The following UBA6 variants were observed in gnomAD, a reference collection of about 807,000 sequenced individuals.
The protein encoded by UBA6 is ubiquitin like modifier activating enzyme 6, also known as ubiquitin-like modifier-activating enzyme 6.
In UBA6, 87 loss-of-function variants were observed where a neutral mutation model predicts 148.3. The ratio of observed to expected loss-of-function variants is 0.59; its 90% CI spans 0.49 to 0.70. UBA6 has a LOEUF of 0.70. Ranked by LOEUF, UBA6 falls within the 30% of genes least tolerant of loss-of-function variation. UBA6 has a pLI of 0.00. For synonymous variants in UBA6, 376 were observed against 401.0 expected (o/e 0.94, Z 0.75); for missense variants, 1,186 against 1,241.2 (o/e 0.96, Z 0.67).
intron 2 of UBA6, among the ~76,000 whole-genome samples, chr4:67,683,572 A>ATTT (rs59333307): frequency 6.9e-6 from 1 of 145,046 alleles, no homozygotes; most frequent in Non-Finnish European, 1.5e-5. Context: ...TTTTTTTGCA[A>ATTT]TTTTTTTTTT....
chr4:67,641,016 T>C, intron 18 of UBA6, 135 bp downstream of exon 18: 1 of 644,556 alleles, frequency 1.6e-6, no homozygotes, highest in East Asian at 3.0e-5. Context: ...TTCCCTTTTG[T>C]CATTTCCATT....
chr4:67,644,704 T>C lies in UBA6; in HGVS notation c.1470A>G (p.Lys490=), dbSNP rs111297978. The C allele has an allele frequency of 8.6e-4, 1,360 of 1,588,128 alleles. 10 individuals carry two copies. In the African/African-American group the frequency reaches 0.016, roughly 19 times the overall value. The change falls in exon 17 of 33, where the codon AAA becomes AAG. Residue 490 remains lysine (K), a synonymous_variant. Transcript: ENST00000322244. ...TCAAGAATTGATATCTTACCATTCCTTTCTCTTTGCTTGTGCCAACACCAA... is the reference window on the plus strand; with the variant it reads ...TCAAGAATTGATATCTTACCATTCCCTTCTCTTTGCTTGTGCCAACACCAA... The part of the protein sequence containing the change: ...ALLGVGTSKE[K]GMITVTDPDL...
chr4:67,625,224 A>G, intron 28 of UBA6, 37 bp from the exon 29 acceptor site: 1 of 1,505,320 alleles, frequency 6.6e-7, no homozygotes, highest in Non-Finnish European at 9.0e-7. Context: ...GTTCCACAGC[A>G]AGCAGTAAAG....
chr4:67,695,904 T>TA (rs1360255030), intron 2 of UBA6, among the ~76,000 whole-genome samples: 8 of 152,186 alleles, frequency 5.3e-5, no homozygotes, highest in African/African-American at 1.9e-4. Flanking sequence ...TTCTTTACTT[T>TA]AAAAAGTATT....
rs1263107263 is a variant in UBA6 at position 67,624,109 on chromosome 4, T to C, written c.2840+17A>G. 4.5e-6 allele frequency: 7 copies of C among 1,545,662 alleles called. No homozygotes were observed. The highest frequency in any genetic ancestry group is 2.1e-5 in the Admixed American group (1 of 47,670). On this transcript the variant is annotated intron_variant, in intron 30 of 32. Transcript: ENST00000322244. ...TTTCATTCTCATTATACAAGAGAAATAGACTTTCATACATACCTGATTTTA... is the reference window on the plus strand; with the variant it reads ...TTTCATTCTCATTATACAAGAGAAACAGACTTTCATACATACCTGATTTTA...
chr4:67,644,761 T>C lies in UBA6; in HGVS notation c.1413A>G (p.Ile471Met). 1 of 1,607,412 alleles carries C rather than the reference T, an allele frequency of 6.2e-7. No homozygotes were observed. Among genetic ancestry groups the C allele is most frequent in the Non-Finnish European group, 8.5e-7 (1 of 1,174,060 alleles). ...CAAAATTTTTCAACATTTCACAGCC[T>C]ATGGCTCCACACCCTACCTATGGAG... The part of the protein sequence containing the change: ...LNIFLVGCGA[I>M]GCEMLKNFAL... Residue 471 changes from isoleucine (I) to methionine (M), a missense_variant, in exon 17 of 33, where the codon ATA becomes ATG. Coordinates refer to ENST00000322244, the MANE Select transcript of UBA6 (RefSeq NM_018227.6).
At chr4:67,669,211 T>A (rs1730081502) in intron 8 of UBA6, among the ~76,000 whole-genome samples, 1 of 152,162 alleles carries the variant, frequency 6.6e-6, no homozygotes, top group South Asian at 2.1e-4. Context: ...CCATACCATA[T>A]TTTGGAATTT....
At chr4:67,650,746 C>T (rs939619706) in intron 13 of UBA6, among the ~76,000 whole-genome samples, 2 of 151,890 alleles carry the variant, frequency 1.3e-5, no homozygotes, top group East Asian at 1.9e-4. Flanking sequence ...AAAACACAGT[C>T]CTAAGAAAAA....
chr4:67,635,866 G>C (rs1256736987), intron 19 of UBA6, among the ~76,000 whole-genome samples: 3 of 150,962 alleles, frequency 2.0e-5, no homozygotes, highest in African/African-American at 4.9e-5. Flanking sequence ...CTAACTACAA[G>C]TTCTACCACA....
At chr4:67,653,070 C>T (rs1355818982) in intron 13 of UBA6, among the ~76,000 whole-genome samples, 1 of 152,208 alleles carries the variant, frequency 6.6e-6, no homozygotes, top group African/African-American at 2.4e-5. Flanking sequence ...GGCCTACTGC[C>T]TCTATAGACT....
chr4:67,655,354 G>A (rs142432876), intron 13 of UBA6, among the ~76,000 whole-genome samples: 1 of 152,196 alleles, frequency 6.6e-6, no homozygotes, highest in South Asian at 2.1e-4. Flanking sequence ...AGACTACAGT[G>A]CAATCAAATT....
Position 67,618,921 on chromosome 4 carries a change from ATTTTCT to A in UBA6, c.*70_*75del. The A allele has an allele frequency of 1.4e-6, 2 of 1,451,216 alleles. No homozygotes were observed. Among genetic ancestry groups the A allele is most frequent in the Non-Finnish European group, 1.9e-6 (2 of 1,060,102 alleles). The allele number at this position is 1,451,216 out of a possible 1,614,324, so 89.9% of individuals were successfully genotyped here. A position where few individuals can be genotyped will look rare whatever the true frequency, so the allele number is the denominator to read the frequency against. ...GAGAAATCCATAGTATTATGAACTGATTTTCTTTAGCTTCTGAATTAAGTGCACTCT... is the reference window on the plus strand; with the variant it reads ...GAGAAATCCATAGTATTATGAACTGATTAGCTTCTGAATTAAGTGCACTCT... On this transcript the variant is annotated 3_prime_UTR_variant, in exon 33 of 33. Transcript: ENST00000322244.
At position 67,635,573 on chromosome 4, in the gene UBA6, A is replaced by G; in HGVS notation, c.1737-15T>C. The stretch of plus-strand genomic sequence containing the variant: ...CTAAGCAACGACTATTTGAAAAGAC[A>G]GCAAGTAAAAAACAAAAAAGTGAGC... On this transcript the variant is annotated splice_polypyrimidine_tract_variant and intron_variant, in intron 19 of 32. Coordinates refer to ENST00000322244, the MANE Select transcript of UBA6 (RefSeq NM_018227.6). 1 of 1,563,914 alleles carries G rather than the reference A, an allele frequency of 6.4e-7. No homozygotes were observed. The highest frequency in any genetic ancestry group is 8.8e-7 in the Non-Finnish European group (1 of 1,136,314).
intron 27 of UBA6, among the ~76,000 whole-genome samples, chr4:67,627,474 A>C (rs1383490742): frequency 6.6e-6 from 1 of 151,978 alleles, no homozygotes; most frequent in East Asian, 1.9e-4. Flanking sequence ...AAGCAATGCA[A>C]GCCAGAAAAC....
chr4:67,692,777 A>G (rs1730724928), intron 2 of UBA6, among the ~76,000 whole-genome samples: 1 of 152,192 alleles, frequency 6.6e-6, no homozygotes, highest in Non-Finnish European at 1.5e-5. Flanking sequence ...GGCTCATTAC[A>G]CAAGGTACTC....
intron 2 of UBA6, among the ~76,000 whole-genome samples, chr4:67,694,084 T>TG (rs1294753819): frequency 2.0e-5 from 3 of 151,000 alleles, no homozygotes; most frequent in African/African-American, 7.3e-5. Context: ...GGTGTGGTGG[T>TG]GCATGCCTGT....
At chr4:67,624,750 T>C (rs894107615) in intron 29 of UBA6, among the ~76,000 whole-genome samples, 11 of 152,116 alleles carry the variant, frequency 7.2e-5, no homozygotes, top group African/African-American at 1.9e-4. Flanking sequence ...GAAAAGATTA[T>C]TGCCTATAAG....
At position 67,686,952 on chromosome 4, in the gene UBA6, TAAAAAAAAAAAAAAAA is replaced by T. The variant is rs546442640; in HGVS notation, c.135-4755_135-4740del. Among the ~76,000 whole-genome samples the T allele has an allele frequency of 2.6e-3, 146 of 57,178 alleles. 1 individual carries two copies. The highest frequency in any genetic ancestry group is 9.5e-3 in the African/African-American group (122 of 12,898). 37.5% of individuals were successfully genotyped at this position (57,178 alleles called of 152,430 possible). A position where few individuals can be genotyped will look rare whatever the true frequency, so the allele number is the denominator to read the frequency against. ...CTGGGCAACAGCAAGATCCTGTCTC[TAAAAAAAAAAAAAAAA>T]AAAAAAAAAAAAAAAAAAAAAATCA... is the stretch of plus-strand genomic sequence containing the variant. On this transcript the variant is annotated intron_variant, in intron 2 of 32. Transcript: ENST00000322244.
chr4:67,633,811 CAA>C (rs1729058393), intron 22 of UBA6, among the ~76,000 whole-genome samples: 2 of 151,972 alleles, frequency 1.3e-5, no homozygotes, highest in Admixed American at 1.3e-4. Context: ...GCCTTGTTAG[CAA>C]AAGATTAAAA....
Sources: allele counts gnomAD v4.1 joint callset (sites outside exome capture counted in the v4.1 genomes callset), GRCh38; gene constraint gnomAD v4.1.1; transcripts MANE v1.5; gene names NCBI Gene and HGNC (gene_info 2026-07-23, HGNC 2026-07-21).